TBX5: variants seen among roughly 807,000 people sequenced by gnomAD.
TBX5 encodes T-box transcription factor 5, also known as T-box transcription factor TBX5.
In TBX5, 8 loss-of-function variants were observed where a neutral mutation model predicts 51.1. That is an observed-to-expected ratio of 0.16 (90% confidence interval 0.09 to 0.28). The LOEUF (loss-of-function observed/expected upper bound fraction) is 0.28, where lower values mean the gene tolerates loss of function less well. Among genes scored for constraint, TBX5 ranks in the 10% least tolerant of loss-of-function variants. The pLI, the probability that TBX5 is intolerant of heterozygous loss-of-function variation, is 1.00. For missense variants in TBX5, 589 were observed against 671.7 expected (o/e 0.88, Z 1.36); for synonymous variants, 302 against 266.4 (o/e 1.13, Z -1.30).
chr12:114,362,259 T>C (rs1869282404), intron 8 of TBX5, among the ~76,000 whole-genome samples: 1 of 152,118 alleles, frequency 6.6e-6, no homozygotes, highest in Admixed American at 6.5e-5. Flanking sequence ...ATAAAGAACT[T>C]AGGCATGTTA....
chr12:114,365,758 T>C (rs1370732602), intron 8 of TBX5, among the ~76,000 whole-genome samples: 1 of 141,690 alleles, frequency 7.1e-6, no homozygotes, highest in Non-Finnish European at 1.5e-5. Context: ...TAAGCCCAGG[T>C]GGTTGAGGCT....
chr12:114,405,172 G>A (rs1487516890), intron 1 of TBX5, among the ~76,000 whole-genome samples: 2 of 152,210 alleles, frequency 1.3e-5, no homozygotes, highest in Non-Finnish European at 1.5e-5. Flanking sequence ...AAATGGGGCC[G>A]AGGAGAAGGA....
intron 7 of TBX5, among the ~76,000 whole-genome samples, chr12:114,382,343 A>G (rs530362635): frequency 1.7e-3 from 264 of 152,240 alleles, no homozygotes; most frequent in African/African-American, 5.8e-3. Context: ...AAGTAAGTAC[A>G]CAAACAAATG....
chr12:114,372,012 A>G (rs1869936580), intron 7 of TBX5, among the ~76,000 whole-genome samples: 1 of 152,150 alleles, frequency 6.6e-6, no homozygotes, highest in African/African-American at 2.4e-5. Context: ...AGGGGACACA[A>G]TGTTCTCACT....
chr12:114,384,539 A>T (rs919786945), intron 7 of TBX5, among the ~76,000 whole-genome samples: 2 of 152,166 alleles, frequency 1.3e-5, no homozygotes, highest in Non-Finnish European at 2.9e-5. Flanking sequence ...TTAAAACCAC[A>T]GATTTAAGGT....
intron 8 of TBX5, among the ~76,000 whole-genome samples, chr12:114,363,659 G>C (rs1342705879): frequency 3.3e-5 from 5 of 152,186 alleles, no homozygotes; most frequent in Non-Finnish European, 7.3e-5. Flanking sequence ...GAGTAGTGGT[G>C]AAATGCACAC....
Position 114,391,490 on chromosome 12 carries a change from C to T in TBX5, c.663+3251G>A, listed in dbSNP as rs185156823. On this transcript the variant is annotated intron_variant, in intron 6 of 8. Coordinates refer to ENST00000405440, the MANE Select transcript of TBX5 (RefSeq NM_181486.4). ...ATTACTAATGCTCTGTGCTAGCTCT[C>T]TGCCAGGTCCCACATGACACACTTG... 1.7e-4 allele frequency among the ~76,000 whole-genome samples: 26 copies of T among 152,338 alleles called. No homozygotes were observed. The East Asian group carries it at 5.0e-3, about 29-fold the overall frequency.
At chr12:114,401,672 G>GCT (rs918326985) in intron 3 of TBX5, among the ~76,000 whole-genome samples, 154 bp downstream of exon 3, 3 of 151,870 alleles carry the variant, frequency 2.0e-5, no homozygotes, top group East Asian at 1.9e-4. Flanking sequence ...TCTATCTTTC[G>GCT]CTCTCTCTCT....
At chr12:114,394,438 A>G (rs1871310692) in intron 6 of TBX5, among the ~76,000 whole-genome samples, 1 of 152,238 alleles carries the variant, frequency 6.6e-6, no homozygotes, top group Admixed American at 6.5e-5. Flanking sequence ...TAGGCATTTC[A>G]TAAGGTCAGT....
rs1039008198 is a variant in TBX5 at position 114,354,477 on chromosome 12, C to G, written c.*1055G>C. 1.3e-5 allele frequency: 2 copies of G among 152,114 alleles called. No homozygotes were observed. Among genetic ancestry groups the G allele is most frequent in the African/African-American group, 2.4e-5 (1 of 41,408 alleles). The allele number at this position is 152,114 out of a possible 1,614,324, so 9.4% of individuals were successfully genotyped here. On this transcript the variant is annotated 3_prime_UTR_variant, in exon 9 of 9. Coordinates refer to ENST00000405440, the MANE Select transcript of TBX5 (RefSeq NM_181486.4). ...TTCTTTGGCGAGATATCATTGGTGA[C>G]TGTGTCTTGCCTCTTCTGTAGGAAT...
intron 1 of TBX5, among the ~76,000 whole-genome samples, chr12:114,405,285 G>A (rs554990078): frequency 1.6e-4 from 25 of 152,216 alleles, no homozygotes; most frequent in Non-Finnish European, 2.6e-4. Context: ...ACAAAAGAAA[G>A]CAGGGCTGGC....
intron 8 of TBX5, among the ~76,000 whole-genome samples, chr12:114,365,663 TACA>T (rs1479125914): frequency 1.3e-5 from 2 of 151,958 alleles, no homozygotes; most frequent in Admixed American, 6.6e-5. Context: ...ACCCTGTCTC[TACA>T]ACAACAACAA....
intron 8 of TBX5, among the ~76,000 whole-genome samples, chr12:114,361,191 A>G (rs138804885): frequency 6.6e-6 from 1 of 152,314 alleles, no homozygotes; most frequent in East Asian, 1.9e-4. Flanking sequence ...TCCCTGCAAA[A>G]TAGAGATGGG....
upstream of TBX5, among the ~76,000 whole-genome samples, chr12:114,406,650 A>T (rs1235937552): frequency 6.6e-6 from 1 of 152,056 alleles, no homozygotes; most frequent in Non-Finnish European, 1.5e-5. Context: ...GTGCATTGGG[A>T]TGGGGGCCGA....
At chr12:114,365,289 G>T (rs1052851580) in intron 8 of TBX5, among the ~76,000 whole-genome samples, 2 of 151,838 alleles carry the variant, frequency 1.3e-5, no homozygotes, top group Admixed American at 6.6e-5. Context: ...GTCACAAGGG[G>T]TTTTCCTGCA....
intron 7 of TBX5, among the ~76,000 whole-genome samples, chr12:114,379,685 C>G (rs1423557156): frequency 6.6e-6 from 1 of 152,188 alleles, no homozygotes; most frequent in Non-Finnish European, 1.5e-5. Context: ...GTAGAAAAGC[C>G]CTGGAGCTGC....
chr12:114,387,657 T>C (rs564053846), intron 6 of TBX5, among the ~76,000 whole-genome samples: 125 of 152,316 alleles, frequency 8.2e-4, no homozygotes, highest in Middle Eastern at 3.4e-3. Context: ...AGGTGAACTA[T>C]GGACTCTGGG....
intron 6 of TBX5, among the ~76,000 whole-genome samples, chr12:114,389,431 G>C (rs1310097407): frequency 1.3e-5 from 2 of 151,980 alleles, no homozygotes; most frequent in African/African-American, 2.4e-5. Context: ...TAATGGACTT[G>C]CAAAAAGTTA....
At chr12:114,393,876 G>C (rs1446240743) in intron 6 of TBX5, among the ~76,000 whole-genome samples, 1 of 152,184 alleles carries the variant, frequency 6.6e-6, no homozygotes, top group Non-Finnish European at 1.5e-5. Context: ...GGTGCAGGTT[G>C]CTCTGTTTTC....
Sources: gnomAD v4.1 joint callset for allele counts (sites outside exome capture counted in the v4.1 genomes callset) on GRCh38, gnomAD v4.1.1 for gene constraint, MANE v1.5 for transcripts, NCBI Gene and HGNC (gene_info 2026-07-23, HGNC 2026-07-21) for gene names.